Variants in NUP85 observed in about 807,000 individuals in gnomAD.
NUP85 encodes the protein nuclear pore complex protein Nup85.
Under a neutral mutation model 92.8 loss-of-function variants are expected in NUP85, and 23 were observed. The ratio of observed to expected loss-of-function variants is 0.25; its 90% CI spans 0.18 to 0.35. The LOEUF (loss-of-function observed/expected upper bound fraction) is 0.35, where lower values mean the gene tolerates loss of function less well. Ranked by LOEUF, NUP85 falls within the 10% of genes least tolerant of loss-of-function variation. The pLI is 1.00. For synonymous variants in NUP85, 314 were observed against 306.9 expected (o/e 1.02, Z -0.24); for missense variants, 759 against 822.8 (o/e 0.92, Z 0.95).
intron 11 of NUP85, among the ~76,000 whole-genome samples, chr17:75,229,332 TG>T (rs1403316209): frequency 6.6e-6 from 1 of 152,070 alleles, no homozygotes; most frequent in Non-Finnish European, 1.5e-5. Context: ...ACAAGCAAGA[TG>T]GGGCCTGGGT....
At chr17:75,218,857 A>G (rs1439208593) in intron 7 of NUP85, among the ~76,000 whole-genome samples, 2 of 152,044 alleles carry the variant, frequency 1.3e-5, no homozygotes, top group African/African-American at 4.8e-5. Context: ...GTGCGGTCCT[A>G]CCACCTCAGC....
At chr17:75,213,934 C>T (rs1016563127) in intron 5 of NUP85, among the ~76,000 whole-genome samples, 6 of 145,830 alleles carry the variant, frequency 4.1e-5, no homozygotes, top group African/African-American at 1.3e-4. Flanking sequence ...TGCAGTGGCG[C>T]GATCTCGGCT....
intron 7 of NUP85, among the ~76,000 whole-genome samples, chr17:75,221,176 G>A (rs73354451): frequency 0.061 from 9,136 of 150,788 alleles, 729 homozygotes; most frequent in African/African-American, 0.17. Context: ...CGCCACGCCC[G>A]GCTAACCCAA....
intron 3 of NUP85, 40 bp downstream of exon 3, chr17:75,210,025 C>A: frequency 6.4e-7 from 1 of 1,560,242 alleles, no homozygotes; most frequent in Non-Finnish European, 8.6e-7. Context: ...CCACACTACA[C>A]TGTGGAAAGC....
At chr17:75,224,997 T>G in intron 7 of NUP85, 106 bp from the exon 8 acceptor site, 2 of 1,139,000 alleles carry the variant, frequency 1.8e-6, no homozygotes, top group Admixed American at 2.7e-5. Context: ...GAAGCCTGTG[T>G]GTGAAGAGTT....
chr17:75,232,777 C>CGAG (rs777486126), intron 14 of NUP85, 74 bp from the exon 15 acceptor site: 4 of 1,348,604 alleles, frequency 3.0e-6, no homozygotes, highest in Non-Finnish European at 4.2e-6. Context: ...GAGGCCACTC[C>CGAG]GGTCCCCACA....
chr17:75,232,022 G>A lies in NUP85; in HGVS notation c.1396+43G>A, dbSNP rs367632947. On this transcript the variant is annotated intron_variant, in intron 14 of 18. Coordinates refer to ENST00000245544, the MANE Select transcript of NUP85 (RefSeq NM_024844.5). Reference sequence around the variant, plus strand: ...CCAGCCTACTGTCTGTGGGACGCAGGAGTCAGGGGATCCTGAGGTCACACT... The same window carrying A: ...CCAGCCTACTGTCTGTGGGACGCAGAAGTCAGGGGATCCTGAGGTCACACT... The A allele has an allele frequency of 1.2e-4, 195 of 1,607,462 alleles. 1 individual carries two copies. In the East Asian group the frequency reaches 2.5e-3, roughly 21 times the overall value.
rs767135021 is a variant in NUP85, at chr17:75,235,650, A to G, written c.1942A>G (p.Ile648Val). 20 of 1,613,946 alleles carry G rather than the reference A, an allele frequency of 1.2e-5. No homozygotes were observed. Among genetic ancestry groups the G allele is most frequent in the African/African-American group, 5.3e-5 (4 of 74,944 alleles). The change falls in exon 19 of 19, where the codon ATA (isoleucine) becomes GTA (valine). Residue 648 changes from isoleucine to valine, a missense_variant. Ile to Val is a conservative substitution (Grantham distance 29). Coordinates refer to ENST00000245544, the MANE Select transcript of NUP85 (RefSeq NM_024844.5). ...SLARNLARAI[I>V]REGSLEGS Reference sequence around the variant, plus strand: ...GGCACGAAATCTTGCTCGGGCAATTATAAGAGAAGGCTCACTGGAAGGTTC... The same window carrying G: ...GGCACGAAATCTTGCTCGGGCAATTGTAAGAGAAGGCTCACTGGAAGGTTC...
chr17:75,218,319 G>T lies in NUP85; in HGVS notation c.597+13G>T. Reference sequence around the variant, plus strand: ...CTTCTGGAACTTGGTAAGACAGGCCGGGCCCCCACCTCCCACCATGTGTCC... The same window carrying T: ...CTTCTGGAACTTGGTAAGACAGGCCTGGCCCCCACCTCCCACCATGTGTCC... On this transcript the variant is annotated intron_variant, in intron 7 of 18. Coordinates refer to ENST00000245544, the MANE Select transcript of NUP85 (RefSeq NM_024844.5). 1 of 1,612,018 alleles carries T rather than the reference G, an allele frequency of 6.2e-7. No individual in the cohort carries two copies. Among genetic ancestry groups the T allele is most frequent in the Non-Finnish European group, 8.5e-7 (1 of 1,178,826 alleles).
chr17:75,223,927 A>G (rs899743073), intron 7 of NUP85, among the ~76,000 whole-genome samples: 1 of 152,228 alleles, frequency 6.6e-6, no homozygotes, highest in Non-Finnish European at 1.5e-5. Flanking sequence ...ATGTGATAAG[A>G]TGATAGTCTT....
At chr17:75,215,915 T>C (rs942545228) in intron 6 of NUP85, 92 bp downstream of exon 6, 1 of 1,113,344 alleles carries the variant, frequency 9.0e-7, no homozygotes, top group Non-Finnish European at 1.4e-6. Flanking sequence ...GATGAGTGTT[T>C]TATTCCTGAG....
chr17:75,218,588 G>GTTTTTTTTT lies in NUP85; in HGVS notation c.597+293_597+301dup, dbSNP rs67761124. ...AAGACACAAAAAGGAATACAAAACCGTTTTTTTTTTTTTTTTTTTGAGACA... is the reference window on the plus strand; with the variant it reads ...AAGACACAAAAAGGAATACAAAACCGTTTTTTTTTTTTTTTTTTTTTTTTTTTTGAGACA... On this transcript the variant is annotated intron_variant, in intron 7 of 18. Coordinates refer to ENST00000245544, the MANE Select transcript of NUP85 (RefSeq NM_024844.5). Among the ~76,000 whole-genome samples, 53 of 82,850 alleles carry GTTTTTTTTT rather than the reference G, an allele frequency of 6.4e-4. 5 individuals carry two copies. Among genetic ancestry groups the GTTTTTTTTT allele is most frequent in the Admixed American group, 1.0e-3 (5 of 4,920 alleles). The allele number at this position is 82,850 out of a possible 152,430, so 54.4% of individuals were successfully genotyped here. A position where few individuals can be genotyped will look rare whatever the true frequency, so the allele number is the denominator to read the frequency against.
rs1410902929 is a variant in NUP85, at chr17:75,211,006, T to TG, written c.291-986_291-985insG. Among the ~76,000 whole-genome samples, 62 of 144,284 alleles carry TG rather than the reference T, an allele frequency of 4.3e-4. 2 individuals carry two copies. In the East Asian group the frequency reaches 0.011, roughly 25 times the overall value. The allele number at this position is 144,284 out of a possible 152,430, so 94.7% of individuals were successfully genotyped here. ...GTGAGCCACTGTGCCTGGCCCTGTT[T>TG]TTTTTTTTTTTTTTGAGACAGAGTT... On this transcript the variant is annotated intron_variant, in intron 3 of 18. Transcript: ENST00000245544.
intron 1 of NUP85, among the ~76,000 whole-genome samples, chr17:75,207,561 C>T (rs959336678): frequency 2.0e-5 from 3 of 151,896 alleles, no homozygotes; most frequent in African/African-American, 7.2e-5. Flanking sequence ...CTCACTGCAA[C>T]CTCTGGCTCC....
Position 75,215,768 on chromosome 17 carries a change from A to G in NUP85, c.420A>G (p.Ser140=), listed in dbSNP as rs1303575813. ...TTCTTCCTTAGGTCTCCATTTTGTC[A>G]GCAATGGAGCTCATCTGGAACCTGT... The part of the protein sequence containing the change: ...RQFSSQVSIL[S]AMELIWNLCE... The change falls in exon 6 of 19, where the codon TCA becomes TCG. Residue 140 remains serine (S), a synonymous_variant. Coordinates refer to ENST00000245544, the MANE Select transcript of NUP85 (RefSeq NM_024844.5). 2.5e-6 allele frequency: 4 copies of G among 1,614,008 alleles called. No individual in the cohort carries two copies. Among genetic ancestry groups the G allele is most frequent in the East Asian group, 2.2e-5 (1 of 44,886 alleles).
intron 11 of NUP85, among the ~76,000 whole-genome samples, chr17:75,230,362 G>GT (rs776931400): frequency 0.29 from 20,918 of 73,290 alleles, 3,370 homozygotes; most frequent in African/African-American, 0.45. Context: ...CATGTTTTTT[G>GT]TTTTTTTTTT....
chr17:75,221,532 G>A (rs771481268), intron 7 of NUP85, among the ~76,000 whole-genome samples: 23 of 152,128 alleles, frequency 1.5e-4, no homozygotes, highest in Non-Finnish European at 2.6e-4. Flanking sequence ...CACTGTGCCC[G>A]GTCACTAGGT....
intron 1 of NUP85, 70 bp downstream of exon 1, chr17:75,205,864 C>T: frequency 6.4e-7 from 1 of 1,552,846 alleles, no homozygotes; most frequent in Non-Finnish European, 8.9e-7. Context: ...TTACTTCAGG[C>T]TTGTCTGCTT....
intron 7 of NUP85, among the ~76,000 whole-genome samples, chr17:75,222,280 A>G (rs1483316074): frequency 6.6e-6 from 1 of 152,008 alleles, no homozygotes; most frequent in Non-Finnish European, 1.5e-5. Context: ...CCTGGGCCCA[A>G]GCAATCCACC....
Sources: allele counts gnomAD v4.1 joint callset (sites outside exome capture counted in the v4.1 genomes callset), GRCh38; gene constraint gnomAD v4.1.1; transcripts MANE v1.5; gene names NCBI Gene and HGNC (gene_info 2026-07-23, HGNC 2026-07-21).